ADGRG6: variants seen among roughly 807,000 people sequenced by gnomAD.
The protein encoded by ADGRG6 is G-protein coupled receptor 126.
In ADGRG6, 84 loss-of-function variants were observed where a neutral mutation model predicts 142.4. That is an observed-to-expected ratio of 0.59 (90% CI 0.49 to 0.71). ADGRG6 has a LOEUF of 0.71. Among genes scored for constraint, ADGRG6 ranks in the 30% least tolerant of loss-of-function variants. The pLI, the probability that ADGRG6 is intolerant of heterozygous loss-of-function variation, is 0.00. For missense variants in ADGRG6, 1,367 were observed against 1,466.6 expected (o/e 0.93, Z 1.11); for synonymous variants, 521 against 520.5 (o/e 1.00, Z -0.01).
At chr6:142,430,169 T>C (rs552699416) in intron 22 of ADGRG6, among the ~76,000 whole-genome samples, 3 of 152,330 alleles carry the variant, frequency 2.0e-5, no homozygotes, top group South Asian at 4.1e-4. Flanking sequence ...CCTGAAGTTA[T>C]CTATATCTGC....
At chr6:142,316,509 T>C (rs970561392) in intron 2 of ADGRG6, among the ~76,000 whole-genome samples, 4 of 152,176 alleles carry the variant, frequency 2.6e-5, no homozygotes, top group African/African-American at 7.2e-5. Flanking sequence ...TGAAGTAAAA[T>C]ATAGATCTGG....
chr6:142,317,758 T>A (rs1378956629), intron 2 of ADGRG6, among the ~76,000 whole-genome samples: 111 of 100,160 alleles, frequency 1.1e-3, no homozygotes, highest in Admixed American at 4.3e-3. Context: ...ATATTTATAT[T>A]ATATATATTT....
rs201373020 is a variant in ADGRG6, at chr6:142,382,028, C to G, written c.1138+9C>G. Reference sequence around the variant, plus strand: ...GGGGACCCTCTGTCAAGGTAGGGAGCCCACACCGTGCTCTGGAATCTCTTT... The same window carrying G: ...GGGGACCCTCTGTCAAGGTAGGGAGGCCACACCGTGCTCTGGAATCTCTTT... On this transcript the variant is annotated intron_variant, in intron 5 of 24. Transcript: ENST00000367609. 3.2e-6 allele frequency: 5 copies of G among 1,552,870 alleles called. No homozygotes were observed. The highest frequency in any genetic ancestry group is 4.4e-6 in the Non-Finnish European group (5 of 1,131,044).
At chr6:142,414,160 T>C (rs200403849) in intron 18 of ADGRG6, among the ~76,000 whole-genome samples, 2 of 152,256 alleles carry the variant, frequency 1.3e-5, no homozygotes, top group East Asian at 1.9e-4. Flanking sequence ...TGAGTGGTCT[T>C]ACCTCAAGAT....
In ADGRG6 at chr6:142,390,239, T is replaced by C. The variant is rs145685978; in HGVS notation, c.1223-19T>C. 291 of 1,287,900 alleles carry C rather than the reference T, an allele frequency of 2.3e-4. 1 individual carries two copies. The East Asian group carries it at 6.4e-3, about 28-fold the overall frequency. 79.8% of individuals were successfully genotyped at this position (1,287,900 alleles called of 1,614,324 possible). A position where few individuals can be genotyped will look rare whatever the true frequency, so the allele number is the denominator to read the frequency against. On this transcript the variant is annotated intron_variant, in intron 6 of 24. Transcript: ENST00000367609. ...TATAAACATATAATTAATGGACTAA[T>C]CCTATTTCCAATGGGCAGATGGAAT... is the stretch of plus-strand genomic sequence containing the variant.
In ADGRG6 at chr6:142,370,437, C is replaced by A. The variant is rs1230159272; in HGVS notation, c.713C>A (p.Pro238His). Residue 238 changes from proline to histidine, a missense_variant, in exon 4 of 25, where the codon CCT (proline) becomes CAT (histidine). This residue lies in a region of ADGRG6 where 737 missense variants were observed against 746.5 expected (regional missense o/e 0.99). Coordinates refer to ENST00000367609, the MANE Select transcript of ADGRG6 (RefSeq NM_198569.3). ...DSKCLLNNAL[P>H]VKEKEDIFAE... is the part of the protein sequence containing the mutation. The stretch of plus-strand genomic sequence containing the variant: ...AAATGTTTGTTGAATAATGCATTAC[C>A]TGTCAAAGAAAAAGAAGACATTTTT... 1 of 1,613,470 alleles carries A rather than the reference C, an allele frequency of 6.2e-7. No individual in the cohort carries two copies.
Position 142,438,230 on chromosome 6 carries a change from C to A in ADGRG6, c.3440C>A (p.Thr1147Asn). ...ADNSDWSKTATNIIKKSSDNL... is the reference protein window; with the variant it reads ...ADNSDWSKTANNIIKKSSDNL... ...TTTTCAGATTGGAGTAAGACAGCTA[C>A]CAATATCATCAAGAAAAGTTCTGAT... is the stretch of plus-strand genomic sequence containing the variant. The change falls in exon 24 of 25, where the codon ACC becomes AAC. Residue 1147 changes from threonine to asparagine, a missense_variant. Physicochemically the swap from Thr to Asn is moderately conservative, Grantham distance 65 (BLOSUM62 0). Around this residue, in one of 3 missense-constraint regions of ADGRG6, gnomAD observed 344 missense variants for 348.7 expected, o/e 0.99. Transcript: ENST00000367609. The A allele has an allele frequency of 6.3e-7, 1 of 1,598,286 alleles. No homozygotes were observed. Among genetic ancestry groups the A allele is most frequent in the African/African-American group, 1.3e-5 (1 of 74,200 alleles).
At chr6:142,350,694 T>G (rs1780130519) in intron 2 of ADGRG6, among the ~76,000 whole-genome samples, 1 of 152,138 alleles carries the variant, frequency 6.6e-6, no homozygotes, top group Non-Finnish European at 1.5e-5. Flanking sequence ...TGGAATTCAG[T>G]TTAACTTTTA....
chr6:142,307,346 T>C (rs1777550379), intron 1 of ADGRG6, among the ~76,000 whole-genome samples: 1 of 151,712 alleles, frequency 6.6e-6, no homozygotes, highest in South Asian at 2.1e-4. Flanking sequence ...TAAGTTTCCT[T>C]TTTTTGTGAA....
chr6:142,409,783 T>G lies in ADGRG6; in HGVS notation c.2389-91T>G, dbSNP rs527818329. On this transcript the variant is annotated intron_variant, in intron 16 of 24. Transcript: ENST00000367609. ...GCATGTTAATACTAATCTATTTCTT[T>G]GTGAAACCCTTCGTGTTTTTATTCT... 2.7e-4 allele frequency: 164 copies of G among 597,838 alleles called. No individual in the cohort carries two copies. The African/African-American group carries it at 2.9e-3, about 11-fold the overall frequency. 37.0% of individuals were successfully genotyped at this position (597,838 alleles called of 1,614,324 possible). A position where few individuals can be genotyped will look rare whatever the true frequency, so the allele number is the denominator to read the frequency against.
chr6:142,338,198 T>C (rs1046170817), intron 2 of ADGRG6, among the ~76,000 whole-genome samples: 2 of 151,156 alleles, frequency 1.3e-5, no homozygotes, highest in African/African-American at 4.8e-5. Context: ...CTTTTTGTAT[T>C]TTTAGTAGAG....
intron 2 of ADGRG6, among the ~76,000 whole-genome samples, chr6:142,334,787 A>G (rs746175393): frequency 3.3e-5 from 5 of 152,170 alleles, no homozygotes; most frequent in African/African-American, 4.8e-5. Context: ...ACTGTGTTTC[A>G]TAAGTATCTT....
At chr6:142,408,086 G>C in intron 15 of ADGRG6, 64 bp from the exon 16 acceptor site, 1 of 1,256,240 alleles carries the variant, frequency 8.0e-7, no homozygotes, top group Non-Finnish European at 1.1e-6. Context: ...GCTTATTTTG[G>C]AGCACCAAAG....
chr6:142,433,270 C>T (rs1275116588), intron 22 of ADGRG6, among the ~76,000 whole-genome samples: 1 of 152,216 alleles, frequency 6.6e-6, no homozygotes, highest in African/African-American at 2.4e-5. Flanking sequence ...AGGCTTCCTT[C>T]AGTCCACTCT....
At chr6:142,310,460 C>A (rs1386388131) in intron 2 of ADGRG6, among the ~76,000 whole-genome samples, 2 of 151,516 alleles carry the variant, frequency 1.3e-5, no homozygotes, top group African/African-American at 4.8e-5. Flanking sequence ...TTAAGAAAAT[C>A]ATAATTCTTG....
chr6:142,309,532 C>T lies in ADGRG6; in HGVS notation c.3-12C>T. 6.3e-7 allele frequency: 1 copy of T among 1,592,720 alleles called. No individual in the cohort carries two copies. Among genetic ancestry groups the T allele is most frequent in the East Asian group, 2.2e-5 (1 of 44,530 alleles). ...TGTTGAATGTCCTAATTGCCATCTT[C>T]TTTCTTTGCAGGATGTTTCGCTCAG... On this transcript the variant is annotated splice_polypyrimidine_tract_variant and intron_variant, in intron 1 of 24. Transcript: ENST00000367609.
intron 1 of ADGRG6, among the ~76,000 whole-genome samples, chr6:142,308,338 A>G (rs1337143220): frequency 6.6e-6 from 1 of 151,964 alleles, no homozygotes; most frequent in African/African-American, 2.4e-5. Flanking sequence ...AGCAAACCAG[A>G]TCTGTCTCAC....
chr6:142,341,882 T>A (rs1014513110), intron 2 of ADGRG6, among the ~76,000 whole-genome samples: 6 of 151,708 alleles, frequency 4.0e-5, no homozygotes, highest in African/African-American at 1.2e-4. Flanking sequence ...ACCAAATTTT[T>A]AAAAAAACTT....
intron 2 of ADGRG6, among the ~76,000 whole-genome samples, chr6:142,350,326 C>G (rs1780108702): frequency 1.3e-5 from 2 of 152,192 alleles, no homozygotes; most frequent in South Asian, 4.1e-4. Context: ...GCGGTGTCCT[C>G]TTGGGCAAGT....
Sources: gnomAD v4.1 joint callset for allele counts (sites outside exome capture counted in the v4.1 genomes callset) on GRCh38, gnomAD v4.1.1 for gene constraint, gnomAD v4.1.1 regional missense constraint, MANE v1.5 for transcripts, NCBI Gene and HGNC (gene_info 2026-07-23, HGNC 2026-07-21) for gene names.